The following EFHC1 variants were observed in gnomAD, a reference collection of about 807,000 sequenced individuals.
EFHC1 encodes EF-hand domain-containing protein 1.
EFHC1 carries 53 observed loss-of-function variants against 69.9 expected under a neutral mutation model. The ratio of observed to expected loss-of-function variants is 0.76; its 90% CI spans 0.61 to 0.95. The LOEUF is 0.95. Among genes scored for constraint, EFHC1 ranks in the 40% least tolerant of loss-of-function variants. EFHC1 has a pLI of 0.00. For missense variants in EFHC1, 739 were observed against 798.7 expected (o/e 0.93, Z 0.90); for synonymous variants, 256 against 278.4 (o/e 0.92, Z 0.80).
At chr6:52,484,099 G>C (rs1399064199) in intron 9 of EFHC1, 1 of 152,200 alleles carries the variant, frequency 6.6e-6, no homozygotes, top group Non-Finnish European at 1.5e-5. Context: ...ATTCCATAGA[G>C]AGGAAAACAT....
At position 52,490,283 on chromosome 6, in the gene EFHC1, A is replaced by T. The variant is rs1181835920; in HGVS notation, c.1784A>T (p.Asp595Val). The T allele has an allele frequency of 6.2e-7, 1 of 1,614,066 alleles. No individual in the cohort carries two copies. Among genetic ancestry groups the T allele is most frequent in the African/African-American group, 1.3e-5 (1 of 74,930 alleles). ...IYDKEASGYVDRDMFFKICES... is the reference protein window; with the variant it reads ...IYDKEASGYVVRDMFFKICES... ...GACAAGGAAGCTTCAGGATATGTGG[A>T]CAGAGACATGTTCTTTAAAATCTGT... The change falls in exon 10 of 11, where the codon GAC becomes GTC. Residue 595 changes from aspartate (D) to valine (V), a missense_variant. Transcript: ENST00000371068.
chr6:52,437,227 A>G (rs889905106), intron 2 of EFHC1, among the ~76,000 whole-genome samples: 6 of 152,174 alleles, frequency 3.9e-5, no homozygotes, highest in Non-Finnish European at 8.8e-5. Context: ...CTACACTTCT[A>G]AAGAAGTGCA....
At chr6:52,480,932 C>G (rs1176076193) in intron 9 of EFHC1, among the ~76,000 whole-genome samples, 1 of 152,120 alleles carries the variant, frequency 6.6e-6, no homozygotes, top group East Asian at 1.9e-4. Context: ...TGGCTTTTTT[C>G]TCTGAATGAA....
intron 7 of EFHC1, among the ~76,000 whole-genome samples, chr6:52,475,078 A>G (rs2114018960): frequency 6.6e-6 from 1 of 151,920 alleles, no homozygotes; most frequent in East Asian, 1.9e-4. Flanking sequence ...AAGCCAACAG[A>G]ACTATTAGTA....
rs1189324588 is a variant in EFHC1, at chr6:52,421,018, C to G, written c.63+545C>G. On this transcript the variant is annotated intron_variant, in intron 1 of 10. Transcript: ENST00000371068. ...CCGGTAGTATCTCCCACTCCCAGCT[C>G]CATTTCCTGTTTTGTATGTATATCG... 7.9e-6 allele frequency: 8 copies of G among 1,015,120 alleles called. No homozygotes were observed. The South Asian group carries it at 3.0e-4, about 38-fold the overall frequency. 62.9% of individuals were successfully genotyped at this position (1,015,120 alleles called of 1,614,324 possible). A position where few individuals can be genotyped will look rare whatever the true frequency, so the allele number is the denominator to read the frequency against.
intron 2 of EFHC1, chr6:52,430,086 T>G (rs1318269457): frequency 6.6e-6 from 1 of 152,232 alleles, no homozygotes; most frequent in South Asian, 2.1e-4. Flanking sequence ...CTGAATTCTT[T>G]TATCAGTTCT....
intron 7 of EFHC1, among the ~76,000 whole-genome samples, chr6:52,470,293 A>G (rs752699698): frequency 6.6e-6 from 1 of 152,170 alleles, no homozygotes; most frequent in Non-Finnish European, 1.5e-5. Context: ...TTAAGAAAAC[A>G]ACAAAACAGC....
chr6:52,475,410 A>G (rs1352433757), intron 7 of EFHC1, among the ~76,000 whole-genome samples: 1 of 152,202 alleles, frequency 6.6e-6, no homozygotes, highest in Non-Finnish European at 1.5e-5. Flanking sequence ...CATGTACTAA[A>G]TCCTAGTAGG....
chr6:52,473,705 C>CT (rs1458266216), intron 7 of EFHC1, among the ~76,000 whole-genome samples: 8 of 152,110 alleles, frequency 5.3e-5, no homozygotes, highest in African/African-American at 1.9e-4. Flanking sequence ...TCACTTGAGT[C>CT]TGGGGGGCGG....
chr6:52,486,932 A>G (rs960371838), intron 9 of EFHC1: 1 of 152,152 alleles, frequency 6.6e-6, no homozygotes, highest in Non-Finnish European at 1.5e-5. Context: ...AGCTTATACC[A>G]TATACCAAAC....
rs1248446739 is a variant in EFHC1 at position 52,494,241 on chromosome 6, A to G, written c.*1900A>G. Reference sequence around the variant, plus strand: ...GTTGGACCATTGAAAGTTGGGGACTATCTGTATTTTAGAAGTTTTTTCAGC... The same window carrying G: ...GTTGGACCATTGAAAGTTGGGGACTGTCTGTATTTTAGAAGTTTTTTCAGC... On this transcript the variant is annotated 3_prime_UTR_variant, in exon 11 of 11. Transcript: ENST00000371068. 2 of 454,136 alleles carry G rather than the reference A, an allele frequency of 4.4e-6. No individual in the cohort carries two copies. The highest frequency in any genetic ancestry group is 3.1e-5 in the South Asian group (2 of 64,480). 28.1% of individuals were successfully genotyped at this position (454,136 alleles called of 1,614,324 possible).
chr6:52,477,719 C>T (rs1427960222), intron 7 of EFHC1, among the ~76,000 whole-genome samples: 1 of 152,208 alleles, frequency 6.6e-6, no homozygotes, highest in African/African-American at 2.4e-5. Context: ...ATCAAAACCA[C>T]AAAGACATAC....
intron 4 of EFHC1, 70 bp from the exon 5 acceptor site, chr6:52,454,025 A>C (rs747681759): frequency 1.2e-5 from 20 of 1,609,758 alleles, no homozygotes; most frequent in Non-Finnish European, 1.7e-5. Flanking sequence ...TTGATACATA[A>C]TTGCCAAAGT....
Position 52,494,980 on chromosome 6 carries a change from C to T in EFHC1, c.*2639C>T, listed in dbSNP as rs1766013670. 1 of 453,966 alleles carries T rather than the reference C, an allele frequency of 2.2e-6. No individual in the cohort carries two copies. The highest frequency in any genetic ancestry group is 4.4e-6 in the Non-Finnish European group (1 of 226,796). The allele number at this position is 453,966 out of a possible 1,614,324, so 28.1% of individuals were successfully genotyped here. ...CTAGGTTGATTCCATGTCCTTTGCT[C>T]AGAGCCCCGTTTTGGTGAGTTCTTA... On this transcript the variant is annotated 3_prime_UTR_variant, in exon 11 of 11. Coordinates refer to ENST00000371068, the MANE Select transcript of EFHC1 (RefSeq NM_018100.4).
At chr6:52,471,907 T>TA (rs778868096) in intron 7 of EFHC1, among the ~76,000 whole-genome samples, 9 of 148,924 alleles carry the variant, frequency 6.0e-5, no homozygotes, top group South Asian at 2.1e-4. Flanking sequence ...ATAATAAAAT[T>TA]AAAAAAAAAA....
At chr6:52,447,038 C>T (rs201962529) in intron 3 of EFHC1, among the ~76,000 whole-genome samples, 23 of 152,216 alleles carry the variant, frequency 1.5e-4, no homozygotes, top group Admixed American at 4.6e-4. Context: ...CAATTATGTG[C>T]CTTGGAGTTG....
intron 7 of EFHC1, among the ~76,000 whole-genome samples, chr6:52,478,816 A>G (rs1483298781): frequency 6.6e-6 from 1 of 152,246 alleles, no homozygotes; most frequent in Non-Finnish European, 1.5e-5. Flanking sequence ...TCACAAGGCA[A>G]CAATTGAGTT....
intron 7 of EFHC1, among the ~76,000 whole-genome samples, chr6:52,474,701 T>C (rs1765508828): frequency 6.6e-6 from 1 of 152,230 alleles, no homozygotes; most frequent in Non-Finnish European, 1.5e-5. Context: ...ACAACATGGC[T>C]AAATCACATA....
At chr6:52,490,080 C>T (rs538623764) in intron 9 of EFHC1, 60 bp from the exon 10 acceptor site, 14 of 1,505,336 alleles carry the variant, frequency 9.3e-6, no homozygotes, top group South Asian at 3.5e-5. Flanking sequence ...CTTTGGTCAC[C>T]GAGATGAGAC....
Sources: gnomAD v4.1 joint callset for allele counts (sites outside exome capture counted in the v4.1 genomes callset) on GRCh38, gnomAD v4.1.1 for gene constraint, MANE v1.5 for transcripts, NCBI Gene and HGNC (gene_info 2026-07-23, HGNC 2026-07-21) for gene names.